ZFPM2: variants seen among roughly 807,000 people sequenced by gnomAD.
ZFPM2 encodes the protein zinc finger protein ZFPM2.
In ZFPM2, 20 loss-of-function variants were observed where a neutral mutation model predicts 98.6. The ratio of observed to expected loss-of-function variants is 0.20; its 90% CI spans 0.14 to 0.29. The LOEUF (loss-of-function observed/expected upper bound fraction) is 0.29, where lower values mean the gene tolerates loss of function less well. ZFPM2 is among the 10% of genes least tolerant of loss of function. The pLI is 1.00. For missense variants in ZFPM2, 1,310 were observed against 1,388.6 expected (o/e 0.94, Z 0.90); for synonymous variants, 518 against 502.7 (o/e 1.03, Z -0.41).
chr8:105,331,127 T>C (rs1320557350), intron 1 of ZFPM2, among the ~76,000 whole-genome samples: 1 of 149,702 alleles, frequency 6.7e-6, no homozygotes, highest in East Asian at 1.9e-4. Flanking sequence ...TTCCATCTGG[T>C]TTTGAACTGG....
chr8:105,522,788 G>A (rs1814092043), intron 3 of ZFPM2, among the ~76,000 whole-genome samples: 1 of 151,904 alleles, frequency 6.6e-6, no homozygotes, highest in Non-Finnish European at 1.5e-5. Context: ...ATAGAGTTCC[G>A]ATATTGTTAT....
intron 3 of ZFPM2, among the ~76,000 whole-genome samples, chr8:105,515,911 CTT>C (rs34183654): frequency 0.25 from 22,330 of 88,560 alleles, 1,535 homozygotes; most frequent in African/African-American, 0.39. Flanking sequence ...AAAACAACTT[CTT>C]TTTTTTTTTT....
At chr8:105,588,511 G>A (rs1370264915) in intron 4 of ZFPM2, among the ~76,000 whole-genome samples, 1 of 151,810 alleles carries the variant, frequency 6.6e-6, no homozygotes, top group Non-Finnish European at 1.5e-5. Context: ...AAAACACTTC[G>A]TTACATAAGA....
At chr8:105,606,972 C>T (rs1436011511) in intron 4 of ZFPM2, among the ~76,000 whole-genome samples, 1 of 152,038 alleles carries the variant, frequency 6.6e-6, no homozygotes, top group Non-Finnish European at 1.5e-5. Flanking sequence ...CCAAATTATC[C>T]TCAGCTATGC....
intron 5 of ZFPM2, among the ~76,000 whole-genome samples, chr8:105,681,065 G>A (rs933085451): frequency 6.6e-6 from 1 of 152,168 alleles, no homozygotes; most frequent in Admixed American, 6.5e-5. Flanking sequence ...AATATAATTT[G>A]CACATGCAAA....
chr8:105,673,187 C>T (rs201709988), intron 5 of ZFPM2, among the ~76,000 whole-genome samples: 145 of 87,472 alleles, frequency 1.7e-3, no homozygotes, highest in Admixed American at 0.013. Flanking sequence ...AAATAGCATG[C>T]TTTTTTTTTT....
At chr8:105,732,918 A>G (rs1992471) in intron 5 of ZFPM2, among the ~76,000 whole-genome samples, 57,596 of 151,656 alleles carry the variant, frequency 0.38, 11,082 homozygotes, top group Admixed American at 0.41. Flanking sequence ...TAAAGTTTCA[A>G]TCTTTTATTT....
intron 5 of ZFPM2, among the ~76,000 whole-genome samples, chr8:105,668,924 A>T (rs1263941038): frequency 6.6e-6 from 1 of 152,194 alleles, no homozygotes; most frequent in Non-Finnish European, 1.5e-5. Context: ...TTTTGAATAA[A>T]TGAGTAAATT....
At chr8:105,404,023 AAC>A in intron 1 of ZFPM2, among the ~76,000 whole-genome samples, 1 of 151,648 alleles carries the variant, frequency 6.6e-6, no homozygotes, top group Non-Finnish European at 1.5e-5. Context: ...CAACAACAAC[AAC>A]AACAACAACA....
intron 4 of ZFPM2, among the ~76,000 whole-genome samples, chr8:105,587,278 G>GAAA (rs1217188691): frequency 4.6e-4 from 24 of 51,944 alleles, no homozygotes; most frequent in African/African-American, 1.4e-3. Flanking sequence ...CTCTGTCTCA[G>GAAA]AAAAAAAAAA....
chr8:105,403,792 G>T (rs1469411941), intron 1 of ZFPM2, among the ~76,000 whole-genome samples: 1 of 151,944 alleles, frequency 6.6e-6, no homozygotes, highest in African/African-American at 2.4e-5. Context: ...GAGATGAAAT[G>T]GTAAAGTTAG....
At chr8:105,500,374 A>C (rs564286302) in intron 3 of ZFPM2, among the ~76,000 whole-genome samples, 1 of 152,320 alleles carries the variant, frequency 6.6e-6, no homozygotes, top group South Asian at 2.1e-4. Context: ...AGTATAAACC[A>C]AACACTTAAG....
chr8:105,357,235 C>G (rs1812766233), intron 1 of ZFPM2, among the ~76,000 whole-genome samples: 1 of 152,156 alleles, frequency 6.6e-6, no homozygotes, highest in South Asian at 2.1e-4. Flanking sequence ...GTTCCACATC[C>G]TTCAAGAGGC....
intron 1 of ZFPM2, among the ~76,000 whole-genome samples, chr8:105,395,857 T>C (rs1436778841): frequency 6.6e-6 from 1 of 152,176 alleles, no homozygotes; most frequent in African/African-American, 2.4e-5. Context: ...AATCAAGGTT[T>C]AAATGCAGGA....
chr8:105,547,434 C>T (rs1042381764), intron 3 of ZFPM2, among the ~76,000 whole-genome samples: 1 of 147,694 alleles, frequency 6.8e-6, no homozygotes, highest in African/African-American at 2.5e-5. Context: ...CCCAGGTACT[C>T]AGGAGACTGA....
At position 105,802,307 on chromosome 8, in the gene ZFPM2, A is replaced by T; in HGVS notation, c.2225A>T (p.Tyr742Phe). ...TMRTRKRRKM[Y>F]EMCLPEQEQR... ...CGCACACGCAAGCGCAGAAAGATGT[A>T]TGAGATGTGCCTACCTGAGCAGGAA... is the stretch of plus-strand genomic sequence containing the variant. The change falls in exon 8 of 8, where the codon TAT becomes TTT. Residue 742 changes from tyrosine (Y) to phenylalanine (F), a missense_variant. Physicochemically the swap from Tyr to Phe is conservative, Grantham distance 22. Transcript: ENST00000407775. 1 of 1,613,842 alleles carries T rather than the reference A, an allele frequency of 6.2e-7. No individual in the cohort carries two copies.
chr8:105,586,864 A>ATATG (rs1382971759), intron 4 of ZFPM2, among the ~76,000 whole-genome samples: 2 of 124,698 alleles, frequency 1.6e-5, no homozygotes, highest in Non-Finnish European at 3.7e-5. Context: ...ATATATATAT[A>ATATG]TTCTTTTGAG....
intron 5 of ZFPM2, among the ~76,000 whole-genome samples, chr8:105,680,282 A>C (rs1810572827): frequency 6.6e-6 from 1 of 152,110 alleles, no homozygotes; most frequent in Non-Finnish European, 1.5e-5. Flanking sequence ...GTTGTAGTGG[A>C]TTGAAAATGC....
rs1904904 is a variant in ZFPM2, at chr8:105,369,857, G to A, written c.41-49287G>A. Among the ~76,000 whole-genome samples, 1,114 of 152,084 alleles carry A rather than the reference G, an allele frequency of 7.3e-3. 20 individuals carry two copies. Among genetic ancestry groups the A allele is most frequent in the African/African-American group, 0.025 (1,042 of 41,480 alleles). On this transcript the variant is annotated intron_variant, in intron 1 of 7. Coordinates refer to ENST00000407775, the MANE Select transcript of ZFPM2 (RefSeq NM_012082.4). ...GAGAGTGATTTCAAGAGCTTATAAT[G>A]TTAGAAAATTTCACTGAAGAGCATG...
Sources: allele counts gnomAD v4.1 joint callset (sites outside exome capture counted in the v4.1 genomes callset), GRCh38; gene constraint gnomAD v4.1.1; transcripts MANE v1.5; gene names NCBI Gene and HGNC (gene_info 2026-07-23, HGNC 2026-07-21).